TRMT11: variants seen among roughly 807,000 people sequenced by gnomAD.
TRMT11 encodes tRNA methyltransferase 11.
In TRMT11, 53 loss-of-function variants were observed where a neutral mutation model predicts 62.8. That is an observed-to-expected ratio of 0.84 (90% CI 0.68 to 1.06). TRMT11 has a LOEUF of 1.06. Among genes scored for constraint, TRMT11 ranks in the 50% least tolerant of loss-of-function variants. The pLI is 0.00. For missense variants in TRMT11, 556 were observed against 553.4 expected, an observed-to-expected ratio of 1.00 and a Z score of -0.05; for synonymous variants, 188 against 190.3, an observed-to-expected ratio of 0.99 and a Z score of 0.10.
At chr6:126,181,903 A>G (rs1778471209) in intron 1 of TRMT11, among the ~76,000 whole-genome samples, 1 of 152,188 alleles carries the variant, frequency 6.6e-6, no homozygotes, top group Admixed American at 6.5e-5. Context: ...ACTTAGAGGT[A>G]AGGAATACAG....
intron 21 of TRMT11, among the ~76,000 whole-genome samples, chr6:126,164,268 A>G (rs1026622719): frequency 6.6e-6 from 1 of 152,180 alleles, no homozygotes; most frequent in Admixed American, 6.5e-5. Context: ...TTCAGTTTCC[A>G]TGTAGTTGCA....
At chr6:126,127,907 A>G (rs1777737280) in intron 21 of TRMT11, among the ~76,000 whole-genome samples, 1 of 152,086 alleles carries the variant, frequency 6.6e-6, no homozygotes, top group African/African-American at 2.4e-5. Flanking sequence ...GGACCAGATG[A>G]TCTTTAAGAT....
intron 1 of TRMT11, among the ~76,000 whole-genome samples, chr6:126,198,310 T>A (rs2128251267): frequency 6.6e-6 from 1 of 152,292 alleles, no homozygotes; most frequent in Admixed American, 6.5e-5. Context: ...GCATAAGAAC[T>A]ACTGTCTATC....
chr6:126,094,593 C>A (rs1156294569), intron 17 of TRMT11, among the ~76,000 whole-genome samples: 1 of 152,160 alleles, frequency 6.6e-6, no homozygotes, highest in African/African-American at 2.4e-5. Context: ...CCTTTAGTCT[C>A]AGAGGCAAGA....
intron 11 of TRMT11, among the ~76,000 whole-genome samples, chr6:126,015,117 C>G (rs192019206): frequency 1.3e-4 from 19 of 151,980 alleles, no homozygotes; most frequent in African/African-American, 3.9e-4. Context: ...TAATTTCAAA[C>G]TTACAGAAGT....
At chr6:126,112,818 T>A (rs987485658) in intron 17 of TRMT11, among the ~76,000 whole-genome samples, 8 of 148,926 alleles carry the variant, frequency 5.4e-5, no homozygotes, top group African/African-American at 2.0e-4. Flanking sequence ...GTTACTGAGA[T>A]TTTTTTTTTC....
At chr6:126,222,322 A>T in the TRMT11 span, among the ~76,000 whole-genome samples, 1 of 152,058 alleles carries the variant, frequency 6.6e-6, no homozygotes, top group African/African-American at 2.4e-5. Flanking sequence ...TTAATTTTAG[A>T]ATAGTTTTTT....
the TRMT11 span, among the ~76,000 whole-genome samples, chr6:126,243,638 C>A: frequency 6.6e-6 from 1 of 152,146 alleles, no homozygotes; most frequent in Non-Finnish European, 1.5e-5. Flanking sequence ...TTTGTAGGGA[C>A]ATGGATGAAG....
At chr6:126,167,815 A>T (rs1054098281) in intron 21 of TRMT11, among the ~76,000 whole-genome samples, 5 of 152,056 alleles carry the variant, frequency 3.3e-5, no homozygotes, top group African/African-American at 1.2e-4. Flanking sequence ...TCCACCTCGG[A>T]CATATGTTTC....
At chr6:126,019,703 C>G (rs560533330) in intron 11 of TRMT11, among the ~76,000 whole-genome samples, 1 of 152,222 alleles carries the variant, frequency 6.6e-6, no homozygotes, top group East Asian at 1.9e-4. Flanking sequence ...ATTTTAGTCT[C>G]AACCATGGTG....
the TRMT11 span, among the ~76,000 whole-genome samples, chr6:126,252,079 A>T: frequency 6.6e-6 from 1 of 152,254 alleles, no homozygotes; most frequent in Non-Finnish European, 1.5e-5. Flanking sequence ...GTAGAAAAAG[A>T]ACCATTTTAA....
intron 12 of TRMT11, among the ~76,000 whole-genome samples, chr6:126,024,999 C>A (rs144959920): frequency 3.9e-5 from 6 of 152,118 alleles, no homozygotes; most frequent in Admixed American, 3.9e-4. Flanking sequence ...AGTTTTAAGT[C>A]GTGATATTAG....
At chr6:126,227,850 T>G in the TRMT11 span, among the ~76,000 whole-genome samples, 3 of 152,168 alleles carry the variant, frequency 2.0e-5, no homozygotes, top group African/African-American at 7.2e-5. Flanking sequence ...GGCCACTTCC[T>G]GTTAAGTGAT....
intron 17 of TRMT11, among the ~76,000 whole-genome samples, chr6:126,106,149 ATT>A (rs370882461): frequency 3.5e-5 from 5 of 142,274 alleles, no homozygotes; most frequent in Non-Finnish European, 4.6e-5. Flanking sequence ...TTCCAGTTGG[ATT>A]TTTTTTTTTT....
chr6:126,097,512 G>A (rs573767609), intron 17 of TRMT11, among the ~76,000 whole-genome samples: 2 of 152,284 alleles, frequency 1.3e-5, no homozygotes, highest in South Asian at 4.1e-4. Flanking sequence ...ATAGTATATA[G>A]TGGTGCTTGC....
At chr6:126,253,587 G>A in the TRMT11 span, among the ~76,000 whole-genome samples, 1 of 152,172 alleles carries the variant, frequency 6.6e-6, no homozygotes, top group Non-Finnish European at 1.5e-5. Flanking sequence ...TGTGTTGTGT[G>A]ACTGTGTCAC....
the TRMT11 span, among the ~76,000 whole-genome samples, chr6:126,268,347 G>A: frequency 2.0e-5 from 3 of 152,276 alleles, no homozygotes; most frequent in South Asian, 4.1e-4. Flanking sequence ...CACCTGGATA[G>A]TGTTACACTT....
chr6:126,065,318 G>A (rs572054439), intron 17 of TRMT11, among the ~76,000 whole-genome samples: 88 of 152,070 alleles, frequency 5.8e-4, no homozygotes, highest in Admixed American at 1.7e-3. Context: ...CCACGATGAC[G>A]AGGCAGGGCT....
intron 1 of TRMT11, among the ~76,000 whole-genome samples, chr6:125,991,514 C>T (rs1790625920): frequency 6.6e-6 from 1 of 151,902 alleles, no homozygotes; most frequent in African/African-American, 2.4e-5. Context: ...ACTGTGTTGC[C>T]AGGGTTGGTC....
Sources: gnomAD v4.1 joint callset for allele counts (sites outside exome capture counted in the v4.1 genomes callset) on GRCh38, gnomAD v4.1.1 for gene constraint, MANE v1.5 for transcripts, NCBI Gene and HGNC (gene_info 2026-07-23, HGNC 2026-07-21) for gene names.